The following WEE2 variants were observed in gnomAD, a reference collection of about 807,000 sequenced individuals.
WEE2 encodes WEE2 oocyte meiosis inhibiting kinase.
WEE2 carries 50 observed loss-of-function variants against 60.1 expected under a neutral mutation model. The observed-to-expected ratio is 0.83, with a 90% CI of 0.66 to 1.05. The LOEUF (loss-of-function observed/expected upper bound fraction) is 1.05. Ranked by LOEUF, WEE2 falls within the 50% of genes least tolerant of loss-of-function variation. The pLI is 0.00. For synonymous variants in WEE2, 240 were observed against 241.0 expected (o/e 1.00, Z 0.04); for missense variants, 631 against 684.3 (o/e 0.92, Z 0.87).
chr7:141,723,047 C>G, intron 5 of WEE2, 87 bp from the exon 6 acceptor site: 1 of 1,542,798 alleles, frequency 6.5e-7, no homozygotes. Context: ...AACTAATACC[C>G]TGAAGATATA....
At chr7:141,718,756 T>G (rs1045070727) in intron 3 of WEE2, among the ~76,000 whole-genome samples, 6 of 152,282 alleles carry the variant, frequency 3.9e-5, no homozygotes, top group African/African-American at 1.2e-4. Context: ...GGACAGTAGC[T>G]CTGGGAGTGA....
In WEE2 at chr7:141,708,835, G is replaced by A. The variant is rs1391781528; in HGVS notation, c.77G>A (p.Gly26Glu). 1 of 1,613,978 alleles carries A rather than the reference G, an allele frequency of 6.2e-7. No individual in the cohort carries two copies. Among genetic ancestry groups the A allele is most frequent in the Non-Finnish European group, 8.5e-7 (1 of 1,180,026 alleles). The change falls in exon 1 of 12, where the codon GGG becomes GAG. Residue 26 changes from glycine (G) to glutamate (E), a missense_variant. Gly to Glu is a moderately conservative substitution (Grantham distance 98, BLOSUM62 -2). Coordinates refer to ENST00000397541, the MANE Select transcript of WEE2 (RefSeq NM_001105558.1). ...TATTGTGAGGAGACTGAGATTGAAG[G>A]GCAGAAGAAAGTAGAAGAAAGCAGG... Reference protein sequence around the residue: ...FSYCEETEIEGQKKVEESREA... With the variant: ...FSYCEETEIEEQKKVEESREA...
In WEE2 at chr7:141,727,734, T is replaced by TG; in HGVS notation, c.1535+289dup. On this transcript the variant is annotated intron_variant, in intron 10 of 11. Coordinates refer to ENST00000397541, the MANE Select transcript of WEE2 (RefSeq NM_001105558.1). The stretch of plus-strand genomic sequence containing the variant: ...AGTAAAGAAAACTTAGGATTCTAAG[T>TG]GACAGCAGGTATCTTAGTAACTGGT... The TG allele has an allele frequency of 1.4e-5, 5 of 352,838 alleles. No individual in the cohort carries two copies. In the South Asian group the frequency reaches 3.2e-4, roughly 23 times the overall value. The allele number at this position is 352,838 out of a possible 1,614,324, so 21.9% of individuals were successfully genotyped here.
Position 141,721,064 on chromosome 7 carries a change from G to A in WEE2, c.880+8G>A. Reference sequence around the variant, plus strand: ...AGAATGAATACTGCAATGGTAAGTAGTATATAGATGAATAACTACGAAGAG... The same window carrying A: ...AGAATGAATACTGCAATGGTAAGTAATATATAGATGAATAACTACGAAGAG... On this transcript the variant is annotated splice_region_variant and intron_variant, in intron 5 of 11. Coordinates refer to ENST00000397541, the MANE Select transcript of WEE2 (RefSeq NM_001105558.1). The A allele has an allele frequency of 6.2e-7, 1 of 1,613,530 alleles. No homozygotes were observed. Among genetic ancestry groups the A allele is most frequent in the South Asian group, 1.1e-5 (1 of 90,862 alleles).
intron 1 of WEE2, among the ~76,000 whole-genome samples, chr7:141,712,116 C>T (rs779738848): frequency 1.3e-5 from 2 of 152,096 alleles, no homozygotes; most frequent in Non-Finnish European, 2.9e-5. Flanking sequence ...ATCATATTGA[C>T]TGGGCCTTTA....
intron 1 of WEE2, among the ~76,000 whole-genome samples, chr7:141,709,547 C>G (rs932812533): frequency 6.6e-6 from 1 of 152,190 alleles, no homozygotes; most frequent in Non-Finnish European, 1.5e-5. Flanking sequence ...ATTACGCCAA[C>G]TGGCTCTATT....
intron 4 of WEE2, 119 bp from the exon 5 acceptor site, chr7:141,720,816 C>T: frequency 9.5e-7 from 1 of 1,052,470 alleles, no homozygotes; most frequent in Non-Finnish European, 1.4e-6. Flanking sequence ...AGTAAGCAAG[C>T]AGTGAGCTCT....
intron 4 of WEE2, 138 bp from the exon 5 acceptor site, chr7:141,720,797 A>G: frequency 3.2e-6 from 3 of 944,516 alleles, no homozygotes; most frequent in East Asian, 4.9e-5. Context: ...AGATTCAATG[A>G]GATAAAATAG....
chr7:141,716,113 C>T (rs946610705), intron 2 of WEE2, 109 bp from the exon 3 acceptor site: 15 of 945,828 alleles, frequency 1.6e-5, no homozygotes, highest in Non-Finnish European at 2.0e-5. Context: ...ACATATAAAC[C>T]GAAGAGAAAT....
intron 6 of WEE2, 138 bp from the exon 7 acceptor site, chr7:141,723,802 CA>C (rs139519521): frequency 2.1e-3 from 1,060 of 494,346 alleles, no homozygotes; most frequent in South Asian, 4.2e-3. Flanking sequence ...AGATTTCATA[CA>C]AAAAAAAAAC....
chr7:141,716,206 T>C lies in WEE2; in HGVS notation c.540-16T>C, dbSNP rs768010332. ...TATTAATTATATATTGATAAACTTT[T>C]TTTTTCTTTTTTAAGTGAGGAAGCT... On this transcript the variant is annotated splice_polypyrimidine_tract_variant and intron_variant, in intron 2 of 11. Coordinates refer to ENST00000397541, the MANE Select transcript of WEE2 (RefSeq NM_001105558.1). 1.9e-6 allele frequency: 3 copies of C among 1,608,502 alleles called. No homozygotes were observed. The Admixed American group carries it at 5.0e-5, about 27-fold the overall frequency.
In WEE2 at chr7:141,724,279, T is replaced by G; in HGVS notation, c.1221+4T>G. The G allele has an allele frequency of 6.2e-7, 1 of 1,606,668 alleles. No homozygotes were observed. The highest frequency in any genetic ancestry group is 8.5e-7 in the Non-Finnish European group (1 of 1,177,380). ...GGCTAATGAGATTTTGCAAGAGGTATAGATTAGGGAAATGGAGGGTATTTT... is the reference window on the plus strand; with the variant it reads ...GGCTAATGAGATTTTGCAAGAGGTAGAGATTAGGGAAATGGAGGGTATTTT... On this transcript the variant is annotated splice_donor_region_variant and intron_variant, in intron 8 of 11. Transcript: ENST00000397541.
At chr7:141,721,133 C>A in intron 5 of WEE2, 77 bp downstream of exon 5, 1 of 1,560,402 alleles carries the variant, frequency 6.4e-7, no homozygotes, top group African/African-American at 1.4e-5. Flanking sequence ...TTTCCCTCCT[C>A]CTCATAGTTC....
rs931317946 is a variant in WEE2 at position 141,719,103 on chromosome 7, C to T, written c.617C>T (p.Ser206Phe). 4.3e-6 allele frequency: 7 copies of T among 1,613,794 alleles called. No individual in the cohort carries two copies. The highest frequency in any genetic ancestry group is 5.9e-6 in the Non-Finnish European group (7 of 1,179,956). Residue 206 changes from serine to phenylalanine, a missense_variant, in exon 4 of 12, where the codon TCC becomes TTC. Transcript: ENST00000397541. ...RCVLRETNMA[S>F]RYEKEFLEVE... ...GTTTTACGAGAAACCAACATGGCTT[C>T]CCGCTATGAAAAAGAATTCTTGGAG... is the stretch of plus-strand genomic sequence containing the variant.
At chr7:141,727,556 T>C (rs1002537628) in intron 10 of WEE2, 110 bp downstream of exon 10, 70 of 1,373,048 alleles carry the variant, frequency 5.1e-5, no homozygotes, top group Admixed American at 1.7e-4. Flanking sequence ...ATATTCACCA[T>C]TATAATACAT....
chr7:141,708,705 A>G lies in WEE2; in HGVS notation c.-54A>G. On this transcript the variant is annotated 5_prime_UTR_variant, in exon 1 of 12. Coordinates refer to ENST00000397541, the MANE Select transcript of WEE2 (RefSeq NM_001105558.1). ...CTCCTCCCTGCTTCTGTAGGTTCAC[A>G]GCGTTCCCTTCTGATAGAGCTTTTT... The G allele has an allele frequency of 2.0e-6, 3 of 1,482,082 alleles. No homozygotes were observed. The highest frequency in any genetic ancestry group is 1.9e-5 in the Admixed American group (1 of 52,630). 91.8% of individuals were successfully genotyped at this position (1,482,082 alleles called of 1,614,324 possible).
Position 141,725,161 on chromosome 7 carries a change from C to T in WEE2, c.1357C>T (p.Gln453Ter), listed in dbSNP as rs1798989412. The T allele has an allele frequency of 6.2e-7, 1 of 1,614,202 alleles. No individual in the cohort carries two copies. The highest frequency in any genetic ancestry group is 1.3e-5 in the African/African-American group (1 of 75,054). The change falls in exon 9 of 12, where the codon CAG becomes TAG. Residue 453 changes from glutamine (Q) to a stop codon, truncating the protein, a stop_gained. Transcript: ENST00000397541. LOFTEE classifies it high-confidence loss of function. ...CAAGGGTAACTTTCCGGACGTTCCT[C>T]AGGAGCTCTCAGAAAGCTTTTCCAG... ...IRKGNFPDVPQELSESFSSLL... is the reference protein window; with the variant it reads ...IRKGNFPDVP
At chr7:141,720,573 A>T (rs1458841509) in intron 4 of WEE2, among the ~76,000 whole-genome samples, 1 of 152,150 alleles carries the variant, frequency 6.6e-6, no homozygotes, top group Non-Finnish European at 1.5e-5. Context: ...TTGTGATAGG[A>T]TGAAATGAAG....
intron 1 of WEE2, among the ~76,000 whole-genome samples, chr7:141,709,694 G>C (rs1172741831): frequency 1.3e-5 from 2 of 152,162 alleles, no homozygotes; most frequent in Non-Finnish European, 2.9e-5. Context: ...AGAACCTCCA[G>C]GTTCTTCTAG....
Sources: allele counts gnomAD v4.1 joint callset (sites outside exome capture counted in the v4.1 genomes callset), GRCh38; gene constraint gnomAD v4.1.1; transcripts MANE v1.5; gene names NCBI Gene and HGNC (gene_info 2026-07-23, HGNC 2026-07-21).